Variants in PLXDC2 observed in about 807,000 individuals in gnomAD.
PLXDC2 encodes plexin domain containing 2.
A neutral mutation model predicts 68.9 loss-of-function variants in PLXDC2; 40 were observed. The observed-to-expected ratio is 0.58, with a 90% CI of 0.45 to 0.76. The LOEUF is 0.76. PLXDC2 is among the 30% of genes least tolerant of loss of function. The probability of loss-of-function intolerance (pLI) is 0.00; values close to 1 mark genes in which losing one functional copy is unlikely to be tolerated. For synonymous variants in PLXDC2, 243 were observed against 234.2 expected (o/e 1.04, Z -0.34); for missense variants, 644 against 661.9 (o/e 0.97, Z 0.30).
At chr10:20,016,967 T>G (rs1336963842) in intron 2 of PLXDC2, among the ~76,000 whole-genome samples, 1 of 152,206 alleles carries the variant, frequency 6.6e-6, no homozygotes, top group Admixed American at 6.5e-5. Flanking sequence ...CTGTTCCACA[T>G]TGGTCTTTTT....
intron 4 of PLXDC2, among the ~76,000 whole-genome samples, chr10:20,078,434 G>A (rs1252935502): frequency 6.6e-6 from 1 of 152,126 alleles, no homozygotes; most frequent in East Asian, 1.9e-4. Context: ...GGAGATAATT[G>A]AGTGCTCCCA....
intron 3 of PLXDC2, among the ~76,000 whole-genome samples, chr10:20,065,823 C>T (rs1310025290): frequency 2.0e-5 from 3 of 152,192 alleles, no homozygotes; most frequent in Admixed American, 1.3e-4. Context: ...CAGGTGGTAA[C>T]GCAAGCCATG....
chr10:19,817,036 C>T lies in PLXDC2; in HGVS notation c.-44C>T. On this transcript the variant is annotated 5_prime_UTR_variant, in exon 1 of 14. Transcript: ENST00000377252. The stretch of plus-strand genomic sequence containing the variant: ...TATTGCATCGGGAGCCCCCGAGCAC[C>T]GGCGAAGGACTGGCGGGTGGGGTAG... The T allele has an allele frequency of 1.4e-6, 2 of 1,471,918 alleles. No individual in the cohort carries two copies. Among genetic ancestry groups the T allele is most frequent in the South Asian group, 1.2e-5 (1 of 82,258 alleles). The allele number at this position is 1,471,918 out of a possible 1,614,324, so 91.2% of individuals were successfully genotyped here.
In PLXDC2 at chr10:19,971,738, T is replaced by C. The variant is rs572104356; in HGVS notation, c.113-30037T>C. Among the ~76,000 whole-genome samples, 5 of 152,308 alleles carry C rather than the reference T, an allele frequency of 3.3e-5. No individual in the cohort carries two copies. In the South Asian group the frequency reaches 1.0e-3, roughly 32 times the overall value. On this transcript the variant is annotated intron_variant, in intron 1 of 13. Coordinates refer to ENST00000377252, the MANE Select transcript of PLXDC2 (RefSeq NM_032812.9). Reference sequence around the variant, plus strand: ...ACAAACATTTATTAAACTCCTTTTTTATGAAGCAATGTGTCTGATCATAAC... The same window carrying C: ...ACAAACATTTATTAAACTCCTTTTTCATGAAGCAATGTGTCTGATCATAAC...
intron 6 of PLXDC2, among the ~76,000 whole-genome samples, chr10:20,148,185 G>T (rs896850598): frequency 1.3e-5 from 2 of 151,316 alleles, no homozygotes; most frequent in Non-Finnish European, 2.9e-5. Flanking sequence ...AGAGTGAAAT[G>T]TCTCTAAGAA....
At chr10:19,905,717 G>A (rs189024834) in intron 1 of PLXDC2, among the ~76,000 whole-genome samples, 64 of 152,258 alleles carry the variant, frequency 4.2e-4, no homozygotes, top group African/African-American at 1.4e-3. Context: ...ACCCTAGAAT[G>A]AATTCTTTAA....
intron 1 of PLXDC2, among the ~76,000 whole-genome samples, chr10:20,001,496 A>G (rs1834936850): frequency 6.6e-6 from 1 of 151,986 alleles, no homozygotes; most frequent in Non-Finnish European, 1.5e-5. Flanking sequence ...AAGGGAAGGG[A>G]ATAAAAATGC....
At chr10:20,222,846 TAAAAA>T (rs1235512763) in intron 12 of PLXDC2, among the ~76,000 whole-genome samples, 1 of 152,080 alleles carries the variant, frequency 6.6e-6, no homozygotes, top group African/African-American at 2.4e-5. Context: ...ATAAAAAAAT[TAAAAA>T]GAAGATCTTA....
intron 1 of PLXDC2, among the ~76,000 whole-genome samples, chr10:19,847,806 G>C (rs1448104039): frequency 1.3e-5 from 2 of 152,054 alleles, no homozygotes; most frequent in African/African-American, 4.8e-5. Flanking sequence ...CTATATTTTG[G>C]CTTTATTTTA....
chr10:19,941,027 T>A (rs1273850272), intron 1 of PLXDC2, among the ~76,000 whole-genome samples: 2 of 152,200 alleles, frequency 1.3e-5, no homozygotes, highest in African/African-American at 4.8e-5. Flanking sequence ...AAAAGCAGAA[T>A]TCAAATAGGA....
At position 20,044,122 on chromosome 10, in the gene PLXDC2, T is replaced by TCCTTCCTTCCTC. The variant is rs71388894; in HGVS notation, c.325-2744_325-2743insTCCTTCCTCCCT. 1.8e-3 allele frequency among the ~76,000 whole-genome samples: 177 copies of TCCTTCCTTCCTC among 99,772 alleles called. 31 individuals are homozygous for TCCTTCCTTCCTC. The highest frequency in any genetic ancestry group is 4.9e-3 in the Middle Eastern group (1 of 204). The allele number at this position is 99,772 out of a possible 152,430, so 65.5% of individuals were successfully genotyped here. ...TTCCTTCCTTCCTTCCTTCCTTCCTTCCTCCCTCCCTCCCTCTCTCTCTTT... is the reference window on the plus strand; with the variant it reads ...TTCCTTCCTTCCTTCCTTCCTTCCTTCCTTCCTTCCTCCCTCCCTCCCTCCCTCTCTCTCTTT... On this transcript the variant is annotated intron_variant, in intron 2 of 13. Transcript: ENST00000377252.
At chr10:20,014,382 GCTTCCTTCCTTCCTTCCTTC>G (rs539488828) in intron 2 of PLXDC2, among the ~76,000 whole-genome samples, 4,388 of 79,032 alleles carry the variant, frequency 0.056, 232 homozygotes, top group East Asian at 0.26. Flanking sequence ...TTCCTTCCTT[GCTTCCTTCCTTCCTTCCTTC>G]CTTCCTTCCT....
intron 6 of PLXDC2, among the ~76,000 whole-genome samples, chr10:20,161,114 T>C (rs1218213941): frequency 2.0e-5 from 3 of 152,192 alleles, no homozygotes; most frequent in African/African-American, 7.2e-5. Context: ...TATTGATTGA[T>C]ATTGCTGTGT....
intron 1 of PLXDC2, among the ~76,000 whole-genome samples, chr10:19,885,066 C>T (rs1305039893): frequency 6.6e-6 from 1 of 152,112 alleles, no homozygotes; most frequent in African/African-American, 2.4e-5. Context: ...GAGATGATAT[C>T]TCATTGTGGT....
chr10:20,266,167 A>G (rs1313676228), intron 13 of PLXDC2, among the ~76,000 whole-genome samples: 1 of 152,192 alleles, frequency 6.6e-6, no homozygotes, highest in African/African-American at 2.4e-5. Flanking sequence ...GGGAAAATCA[A>G]TGGACTGGGT....
chr10:19,964,641 C>T (rs1388817022), intron 1 of PLXDC2, among the ~76,000 whole-genome samples: 1 of 152,188 alleles, frequency 6.6e-6, no homozygotes, highest in African/African-American at 2.4e-5. Context: ...ACACTATTGT[C>T]ACAGCACTTG....
chr10:19,876,102 T>A (rs1837625503), intron 1 of PLXDC2, among the ~76,000 whole-genome samples: 1 of 152,170 alleles, frequency 6.6e-6, no homozygotes, highest in African/African-American at 2.4e-5. Flanking sequence ...CTTCCCCATT[T>A]CTTATTTTCA....
intron 3 of PLXDC2, among the ~76,000 whole-genome samples, chr10:20,051,295 T>C (rs185289460): frequency 6.6e-6 from 1 of 151,612 alleles, no homozygotes; most frequent in Admixed American, 6.6e-5. Flanking sequence ...CTAGGCTTAA[T>C]ATTTGGGTGA....
chr10:20,276,799 T>C (rs1256601036), intron 13 of PLXDC2, among the ~76,000 whole-genome samples: 1 of 152,156 alleles, frequency 6.6e-6, no homozygotes, highest in Non-Finnish European at 1.5e-5. Context: ...TCAATCATGC[T>C]TGCAAGTTTG....
Sources: gnomAD v4.1 joint callset for allele counts (sites outside exome capture counted in the v4.1 genomes callset) on GRCh38, gnomAD v4.1.1 for gene constraint, MANE v1.5 for transcripts, NCBI Gene and HGNC (gene_info 2026-07-23, HGNC 2026-07-21) for gene names.